Variants in DLG2 observed in about 807,000 individuals in gnomAD.
DLG2 encodes disks large homolog 2.
DLG2 carries 45 observed loss-of-function variants against 132.5 expected under a neutral mutation model. The ratio of observed to expected loss-of-function variants is 0.34; its 90% confidence interval spans 0.27 to 0.44. The LOEUF is 0.44. Ranked by LOEUF, DLG2 falls within the 20% of genes least tolerant of loss-of-function variation. The pLI is 1.00. For missense variants in DLG2, 1,045 were observed against 1,196.9 expected, an observed-to-expected ratio of 0.87 and a Z score of 1.87; for synonymous variants, 424 against 419.6, an observed-to-expected ratio of 1.01 and a Z score of -0.13.
At chr11:83,775,282 G>A (rs1348818919) in intron 18 of DLG2, among the ~76,000 whole-genome samples, 1 of 151,966 alleles carries the variant, frequency 6.6e-6, no homozygotes, top group Non-Finnish European at 1.5e-5. Context: ...TCCTCTTCAA[G>A]CCTTTTATTA....
At chr11:84,316,262 C>A (rs890490878) in intron 7 of DLG2, among the ~76,000 whole-genome samples, 1 of 152,042 alleles carries the variant, frequency 6.6e-6, no homozygotes, top group Non-Finnish European at 1.5e-5. Flanking sequence ...TGAGTTTAAC[C>A]ATCCTCTGTT....
At chr11:84,908,131 A>C (rs1489096032) in intron 6 of DLG2, among the ~76,000 whole-genome samples, 1 of 152,170 alleles carries the variant, frequency 6.6e-6, no homozygotes, top group African/African-American at 2.4e-5. Context: ...ATGTCTAAAA[A>C]AAATATAATA....
At chr11:83,659,120 T>C (rs1380643591) in intron 18 of DLG2, among the ~76,000 whole-genome samples, 1 of 152,246 alleles carries the variant, frequency 6.6e-6, no homozygotes, top group Non-Finnish European at 1.5e-5. Flanking sequence ...ACAACAATGA[T>C]TATGGGATAA....
chr11:83,926,248 C>G (rs932347686), intron 15 of DLG2, among the ~76,000 whole-genome samples: 4 of 152,170 alleles, frequency 2.6e-5, no homozygotes, highest in African/African-American at 9.7e-5. Context: ...ACTCAGGTTG[C>G]TTTTGCTGAC....
In DLG2 at chr11:85,370,739, T is replaced by A. The variant is rs2084911464; in HGVS notation, c.41-85374A>T. ...TTGTCTTCCCTGGCACCTGGCTTTT[T>A]GAGTACTTCAGAGGGCCCCTGACGT... On this transcript the variant is annotated intron_variant, in intron 3 of 27. Coordinates refer to ENST00000376104, the MANE Select transcript of DLG2 (RefSeq NM_001142699.3). 2.0e-5 allele frequency among the ~76,000 whole-genome samples: 3 copies of A among 152,178 alleles called. No individual in the cohort carries two copies. The South Asian group carries it at 6.2e-4, about 32-fold the overall frequency.
intron 6 of DLG2, among the ~76,000 whole-genome samples, chr11:84,785,059 A>G (rs1279496376): frequency 3.3e-5 from 5 of 152,134 alleles, no homozygotes; most frequent in Non-Finnish European, 7.4e-5. Context: ...GTTCACATAA[A>G]TACATACAAT....
intron 16 of DLG2, among the ~76,000 whole-genome samples, chr11:83,835,903 A>G (rs2056025760): frequency 6.6e-6 from 1 of 152,076 alleles, no homozygotes. Context: ...ATGAGATTGC[A>G]CACACACACA....
chr11:83,964,118 T>C (rs565369526), intron 13 of DLG2, among the ~76,000 whole-genome samples: 16 of 152,158 alleles, frequency 1.1e-4, no homozygotes, highest in Admixed American at 2.0e-4. Flanking sequence ...ATGTGCCTTG[T>C]ACATACTGAA....
Position 84,493,381 on chromosome 11 carries a change from G to A in DLG2, c.519+41189C>T, listed in dbSNP as rs145448805. ...CTAAATATAAGTAGTGGTGGGTTTT[G>A]TAATTGGTGTGTTTGGCAACTCTCC... On this transcript the variant is annotated intron_variant, in intron 7 of 27. Coordinates refer to ENST00000376104, the MANE Select transcript of DLG2 (RefSeq NM_001142699.3). Among the ~76,000 whole-genome samples, 1,067 of 152,156 alleles carry A rather than the reference G, an allele frequency of 7.0e-3. 3 individuals carry two copies. The highest frequency in any genetic ancestry group is 0.011 in the Admixed American group (174 of 15,274).
intron 11 of DLG2, among the ~76,000 whole-genome samples, chr11:83,982,355 CT>C (rs1221979439): frequency 6.6e-6 from 1 of 151,576 alleles, no homozygotes; most frequent in Non-Finnish European, 1.5e-5. Context: ...GTTATTGCTC[CT>C]GAACATCTTC....
chr11:83,473,212 G>T (rs2092276232), intron 22 of DLG2, among the ~76,000 whole-genome samples: 1 of 152,050 alleles, frequency 6.6e-6, no homozygotes, highest in Non-Finnish European at 1.5e-5. Flanking sequence ...CTGTTCAAAA[G>T]CAAGTATATG....
At chr11:84,191,123 T>C (rs1423169919) in intron 8 of DLG2, among the ~76,000 whole-genome samples, 3 of 152,230 alleles carry the variant, frequency 2.0e-5, no homozygotes, top group African/African-American at 7.2e-5. Flanking sequence ...CTCTACTGCC[T>C]ACCAAATGTG....
chr11:84,626,234 G>T (rs2099622296), intron 6 of DLG2, among the ~76,000 whole-genome samples: 1 of 152,150 alleles, frequency 6.6e-6, no homozygotes, highest in Non-Finnish European at 1.5e-5. Context: ...TTTACATTAG[G>T]TGGAGTAAGA....
intron 21 of DLG2, among the ~76,000 whole-genome samples, chr11:83,515,413 T>A (rs2095256433): frequency 6.6e-6 from 1 of 152,174 alleles, no homozygotes; most frequent in South Asian, 2.1e-4. Context: ...TTGATTCTTC[T>A]CTCTTTTCTT....
intron 6 of DLG2, among the ~76,000 whole-genome samples, chr11:85,061,242 T>A (rs981162429): frequency 6.6e-6 from 1 of 151,904 alleles, no homozygotes; most frequent in Non-Finnish European, 1.5e-5. Context: ...GTCCCACTTG[T>A]CAATTTTTGT....
At chr11:85,094,644 T>A (rs1261805096) in intron 6 of DLG2, among the ~76,000 whole-genome samples, 1 of 152,222 alleles carries the variant, frequency 6.6e-6, no homozygotes, top group African/African-American at 2.4e-5. Flanking sequence ...TTAAAGAAAC[T>A]TAGGGCCTTG....
chr11:85,561,269 T>C (rs2077220457), intron 3 of DLG2, among the ~76,000 whole-genome samples: 2 of 131,698 alleles, frequency 1.5e-5, no homozygotes, highest in African/African-American at 2.9e-5. Flanking sequence ...GAGTTCAAGG[T>C]TGCAATGAGC....
chr11:85,312,246 T>C (rs1384651903), intron 3 of DLG2, among the ~76,000 whole-genome samples: 1 of 151,878 alleles, frequency 6.6e-6, no homozygotes, highest in Non-Finnish European at 1.5e-5. Flanking sequence ...GAACCAATAA[T>C]GGATAATACC....
chr11:84,805,063 G>C (rs189800625), intron 6 of DLG2, among the ~76,000 whole-genome samples: 1 of 152,244 alleles, frequency 6.6e-6, no homozygotes, highest in East Asian at 1.9e-4. Flanking sequence ...AAGAGTAAAA[G>C]TATTGCACCT....
Sources: allele counts gnomAD v4.1 joint callset (sites outside exome capture counted in the v4.1 genomes callset), GRCh38; gene constraint gnomAD v4.1.1; transcripts MANE v1.5; gene names NCBI Gene and HGNC (gene_info 2026-07-23, HGNC 2026-07-21).